The following AFTPH variants were observed in gnomAD, a reference collection of about 807,000 sequenced individuals.
AFTPH encodes aftiphilin protein.
A neutral mutation model predicts 72.5 loss-of-function variants in AFTPH; 7 were observed. The ratio of observed to expected loss-of-function variants is 0.10; its 90% CI spans 0.05 to 0.18. The LOEUF is 0.18. AFTPH is among the 10% of genes least tolerant of loss of function. The probability of loss-of-function intolerance (pLI) is 1.00; values close to 1 mark genes in which losing one functional copy is unlikely to be tolerated. For synonymous variants in AFTPH, 337 were observed against 370.1 expected (o/e 0.91, Z 1.03); for missense variants, 979 against 1,060.5 (o/e 0.92, Z 1.07).
At chr2:64,525,336 T>G (rs749014740) in intron 1 of AFTPH, among the ~76,000 whole-genome samples, 26 of 152,218 alleles carry the variant, frequency 1.7e-4, no homozygotes, top group Non-Finnish European at 2.9e-4. Context: ...GGGTCCTTGC[T>G]CTATTAGGAA....
At chr2:64,550,215 A>G (rs149223495) in intron 1 of AFTPH, among the ~76,000 whole-genome samples, 70 of 152,326 alleles carry the variant, frequency 4.6e-4, no homozygotes, top group Non-Finnish European at 8.8e-4. Flanking sequence ...TGGTACATCT[A>G]TACAATGGAA....
At chr2:64,578,163 CAGTCGTATTATA>C (rs1355098595) in intron 6 of AFTPH, among the ~76,000 whole-genome samples, 1 of 152,174 alleles carries the variant, frequency 6.6e-6, no homozygotes, top group Non-Finnish European at 1.5e-5. Flanking sequence ...GTTATCCAGA[CAGTCGTATTATA>C]ATATCATGGA....
At chr2:64,544,872 A>C (rs1670469244) in intron 1 of AFTPH, among the ~76,000 whole-genome samples, 1 of 152,160 alleles carries the variant, frequency 6.6e-6, no homozygotes, top group Admixed American at 6.5e-5. Flanking sequence ...ATCATGCAGC[A>C]GCGCAAGTTC....
In AFTPH at chr2:64,552,208, TAGA is replaced by T. The variant is rs765741693; in HGVS notation, c.739_741del (p.Glu247del). On this transcript the variant is annotated inframe_deletion, in exon 2 of 9. Transcript: ENST00000238856. ...TTTTCCAAAAAGGAAAGGATACAAT[TAGA>T]AGAAATAGAATGTGCAGTTTTAAAT... 2.5e-6 allele frequency: 4 copies of T among 1,613,758 alleles called. No individual in the cohort carries two copies. The Admixed American group carries it at 5.0e-5, about 20-fold the overall frequency.
At chr2:64,534,813 G>A (rs1255842690) in intron 1 of AFTPH, among the ~76,000 whole-genome samples, 1 of 151,562 alleles carries the variant, frequency 6.6e-6, no homozygotes, top group Non-Finnish European at 1.5e-5. Flanking sequence ...CTTCAAAAAG[G>A]AATAAACAAA....
exon 3 of AFTPH, chr2:64,567,594 C>T (rs748936473): frequency 2.2e-5 from 36 of 1,612,096 alleles, no homozygotes; most frequent in South Asian, 3.3e-5. Flanking sequence ...AGCGAATTTT[C>T]GAAGCATGTT....
chr2:64,547,668 A>G (rs1670734371), intron 1 of AFTPH, among the ~76,000 whole-genome samples: 1 of 152,134 alleles, frequency 6.6e-6, no homozygotes, highest in Non-Finnish European at 1.5e-5. Context: ...ATAATCCATT[A>G]TTATCTTTAT....
intron 1 of AFTPH, among the ~76,000 whole-genome samples, chr2:64,528,444 A>G (rs1487251626): frequency 6.6e-6 from 1 of 152,236 alleles, no homozygotes; most frequent in African/African-American, 2.4e-5. Flanking sequence ...TTGTGTACAT[A>G]TTTGGGACAA....
intron 3 of AFTPH, among the ~76,000 whole-genome samples, chr2:64,567,993 C>T (rs952613935): frequency 4.6e-5 from 7 of 151,752 alleles, no homozygotes; most frequent in African/African-American, 2.4e-5. Context: ...TTGCAGTGAG[C>T]CAAGATCACT....
intron 2 of AFTPH, among the ~76,000 whole-genome samples, chr2:64,557,937 G>GA (rs1671484855): frequency 6.6e-6 from 1 of 152,138 alleles, no homozygotes; most frequent in African/African-American, 2.4e-5. Flanking sequence ...GTACAGAAGG[G>GA]AAAAATCATG....
chr2:64,566,774 T>A (rs531074643), intron 2 of AFTPH, among the ~76,000 whole-genome samples: 11 of 144,878 alleles, frequency 7.6e-5, no homozygotes, highest in South Asian at 4.4e-4. Flanking sequence ...AAAAATACTT[T>A]AAAAAAAAAA....
intron 1 of AFTPH, among the ~76,000 whole-genome samples, chr2:64,525,762 C>G (rs1286709957): frequency 6.6e-6 from 1 of 152,180 alleles, no homozygotes; most frequent in Non-Finnish European, 1.5e-5. Context: ...ATTTTATATG[C>G]TTTACCAGTT....
At chr2:64,524,924 C>T (rs1333544276) in intron 1 of AFTPH, among the ~76,000 whole-genome samples, 1 of 152,268 alleles carries the variant, frequency 6.6e-6, no homozygotes, top group Non-Finnish European at 1.5e-5. Flanking sequence ...TTTGCTTCCA[C>T]CTCCCAAAGC....
At chr2:64,528,554 A>G (rs1293025673) in intron 1 of AFTPH, among the ~76,000 whole-genome samples, 1 of 152,114 alleles carries the variant, frequency 6.6e-6, no homozygotes, top group African/African-American at 2.4e-5. Context: ...GGAGTGGTGA[A>G]TTTTTTGCTT....
At chr2:64,589,739 G>A (rs1041934307) in intron 8 of AFTPH, among the ~76,000 whole-genome samples, 3 of 151,972 alleles carry the variant, frequency 2.0e-5, no homozygotes, top group Non-Finnish European at 4.4e-5. Flanking sequence ...CTCCACAAAT[G>A]GGAAAGTCCA....
At chr2:64,572,422 C>T (rs1672494381) in intron 5 of AFTPH, among the ~76,000 whole-genome samples, 1 of 152,126 alleles carries the variant, frequency 6.6e-6, no homozygotes, top group Non-Finnish European at 1.5e-5. Flanking sequence ...GTTTTACAAT[C>T]AGCTCTCACT....
At chr2:64,527,534 C>CATG (rs1392014510) in intron 1 of AFTPH, among the ~76,000 whole-genome samples, 1 of 149,446 alleles carries the variant, frequency 6.7e-6, no homozygotes, top group Non-Finnish European at 1.5e-5. Flanking sequence ...GAGCTGAGAT[C>CATG]ATGCCAGTGC....
rs775045835 is a variant in AFTPH, at chr2:64,552,259, G to A, written c.785G>A (p.Arg262Gln). ...AATGATAGAGAAGCACTAACCATTC[G>A]GGAAAACAATAAAATTAATAGAGTC... Residue 262 changes from arginine to glutamine, a missense_variant, in exon 2 of 9, where the codon CGG becomes CAG. Physicochemically the swap from Arg to Gln is conservative, Grantham distance 43. This residue lies in a region of AFTPH where 498 missense variants were observed against 467.6 expected (regional missense o/e 1.06). Transcript: ENST00000238856. The A allele has an allele frequency of 3.7e-6, 6 of 1,613,788 alleles. No homozygotes were observed. Among genetic ancestry groups the A allele is most frequent in the Admixed American group, 1.7e-5 (1 of 60,006 alleles).
At chr2:64,541,844 C>T (rs1670274215) in intron 1 of AFTPH, among the ~76,000 whole-genome samples, 1 of 152,124 alleles carries the variant, frequency 6.6e-6, no homozygotes, top group African/African-American at 2.4e-5. Flanking sequence ...AAACCTCAGA[C>T]ATATTGTGGT....
Sources: allele counts gnomAD v4.1 joint callset (sites outside exome capture counted in the v4.1 genomes callset), GRCh38; gene constraint gnomAD v4.1.1; regional missense constraint gnomAD v4.1.1; transcripts MANE v1.5; gene names NCBI Gene and HGNC (gene_info 2026-07-23, HGNC 2026-07-21).